The following FOCAD variants were observed in gnomAD, a reference collection of about 807,000 sequenced individuals.
FOCAD encodes KIAA1797.
A neutral mutation model predicts 225.6 loss-of-function variants in FOCAD; 198 were observed. That is an observed-to-expected ratio of 0.88 (90% CI 0.78 to 0.99). The LOEUF (loss-of-function observed/expected upper bound fraction) is 0.99, where lower values mean the gene tolerates loss of function less well. Among genes scored for constraint, FOCAD ranks in the 50% least tolerant of loss-of-function variants. The pLI is 0.00. For synonymous variants in FOCAD, 897 were observed against 755.0 expected, an observed-to-expected ratio of 1.19 and a Z score of -3.08; for missense variants, 2,713 against 2,123.6, an observed-to-expected ratio of 1.28 and a Z score of -5.46.
At chr9:20,774,939 C>G (rs1178533648) in intron 8 of FOCAD, among the ~76,000 whole-genome samples, 2 of 152,036 alleles carry the variant, frequency 1.3e-5, no homozygotes, top group East Asian at 3.9e-4. Context: ...AAAAAGTAAG[C>G]CTAGGAAAAT....
chr9:20,752,639 C>T (rs558706426), intron 5 of FOCAD, among the ~76,000 whole-genome samples: 15 of 151,894 alleles, frequency 9.9e-5, no homozygotes, highest in Non-Finnish European at 1.8e-4. Context: ...CTCGGCGATG[C>T]GGGCTCTATT....
At chr9:20,681,920 T>C (rs1165848077), upstream of FOCAD, among the ~76,000 whole-genome samples, 2 of 152,148 alleles carry the variant, frequency 1.3e-5, no homozygotes, top group African/African-American at 4.8e-5. Flanking sequence ...AATCTGAATC[T>C]AGGATAGGTG....
Position 20,740,348 on chromosome 9 carries a change from T to C in FOCAD, c.392+8T>C. 2 of 1,410,584 alleles carry C rather than the reference T, an allele frequency of 1.4e-6. No homozygotes were observed. Among genetic ancestry groups the C allele is most frequent in the Non-Finnish European group, 1.9e-6 (2 of 1,037,288 alleles). 87.4% of individuals were successfully genotyped at this position (1,410,584 alleles called of 1,614,324 possible). ...GAGTATATATACCATTAGGTAAGCC[T>C]TTTTTCTGTTTTTTTTTTAAACAAA... On this transcript the variant is annotated splice_region_variant and intron_variant, in intron 5 of 43. Coordinates refer to ENST00000338382, the MANE Select transcript of FOCAD (RefSeq NM_001375567.1).
chr9:20,702,074 GT>G (rs1317268942), intron 1 of FOCAD, among the ~76,000 whole-genome samples: 2 of 151,894 alleles, frequency 1.3e-5, no homozygotes, highest in African/African-American at 2.4e-5. Context: ...TTTAGCTTTA[GT>G]TTTTTAACTT....
chr9:20,728,774 G>A (rs1054814260), intron 4 of FOCAD, among the ~76,000 whole-genome samples: 11 of 152,154 alleles, frequency 7.2e-5, no homozygotes, highest in Admixed American at 1.3e-4. Context: ...TGTGGATTAG[G>A]TCTCTTTGGG....
At chr9:20,982,071 G>T (rs1840748815) in intron 38 of FOCAD, among the ~76,000 whole-genome samples, 1 of 152,066 alleles carries the variant, frequency 6.6e-6, no homozygotes, top group African/African-American at 2.4e-5. Context: ...TCCCCCAAAA[G>T]ACCTCTGAAT....
chr9:20,847,719 T>C (rs749735179), intron 15 of FOCAD, among the ~76,000 whole-genome samples: 5 of 152,082 alleles, frequency 3.3e-5, no homozygotes, highest in South Asian at 2.1e-4. Context: ...AGAACAGCTA[T>C]AGTAAACTTC....
At chr9:20,760,463 C>A (rs905170114) in intron 6 of FOCAD, among the ~76,000 whole-genome samples, 1 of 152,234 alleles carries the variant, frequency 6.6e-6, no homozygotes, top group Admixed American at 6.5e-5. Flanking sequence ...GCAGTTTATG[C>A]TTTAGCAGTA....
At chr9:20,790,254 CT>C (rs999737318) in intron 11 of FOCAD, among the ~76,000 whole-genome samples, 3 of 151,826 alleles carry the variant, frequency 2.0e-5, no homozygotes, top group African/African-American at 7.2e-5. Context: ...TAACCTGTGA[CT>C]TTTTTTTTCT....
At chr9:20,874,636 GT>G (rs1433129840) in intron 18 of FOCAD, 44 bp from the exon 19 acceptor site, 7 of 1,584,960 alleles carry the variant, frequency 4.4e-6, no homozygotes, top group Non-Finnish European at 6.0e-6. Context: ...TTTGCATAAT[GT>G]TTTATTATTA....
intron 15 of FOCAD, among the ~76,000 whole-genome samples, chr9:20,853,923 A>C (rs1394662389): frequency 6.6e-6 from 1 of 151,732 alleles, no homozygotes; most frequent in Non-Finnish European, 1.5e-5. Flanking sequence ...GTGTCTCTTC[A>C]AAATCTCTCT....
At chr9:20,753,396 TTTC>T (rs760166950) in intron 5 of FOCAD, among the ~76,000 whole-genome samples, 3 of 151,988 alleles carry the variant, frequency 2.0e-5, no homozygotes, top group Admixed American at 6.6e-5. Context: ...TCAAAGGCCT[TTTC>T]TGCATCTATT....
chr9:20,879,270 T>G (rs1219250493), intron 19 of FOCAD, among the ~76,000 whole-genome samples: 3 of 152,208 alleles, frequency 2.0e-5, no homozygotes, highest in Non-Finnish European at 1.5e-5. Flanking sequence ...TGTGTACAAC[T>G]GAAAATGCAC....
At chr9:20,877,891 G>T (rs920999566) in intron 19 of FOCAD, among the ~76,000 whole-genome samples, 6 of 152,038 alleles carry the variant, frequency 3.9e-5, no homozygotes, top group Admixed American at 1.3e-4. Flanking sequence ...CTGGGCAACA[G>T]AGAGACTCCA....
intron 3 of FOCAD, among the ~76,000 whole-genome samples, chr9:20,719,236 C>T (rs2131536002): frequency 6.6e-6 from 1 of 152,160 alleles, no homozygotes; most frequent in South Asian, 2.1e-4. Flanking sequence ...TGTGTGCCAC[C>T]ACACCCAGCC....
At chr9:20,792,125 A>G (rs138217418) in intron 11 of FOCAD, among the ~76,000 whole-genome samples, 3 of 152,262 alleles carry the variant, frequency 2.0e-5, no homozygotes, top group Non-Finnish European at 4.4e-5. Flanking sequence ...AAAAGATTTT[A>G]TTGTTTTGGA....
intron 39 of FOCAD, among the ~76,000 whole-genome samples, chr9:20,985,437 TTTTATCA>T (rs1022128546): frequency 8.5e-4 from 129 of 152,340 alleles, no homozygotes; most frequent in Admixed American, 3.6e-3. Flanking sequence ...AAAGCTCAAA[TTTTATCA>T]TTTGGGAGCA....
chr9:20,689,692 A>T (rs187136015), intron 1 of FOCAD, among the ~76,000 whole-genome samples: 235 of 152,272 alleles, frequency 1.5e-3, no homozygotes, highest in Non-Finnish European at 2.9e-3. Context: ...TTAGAGGAGA[A>T]GACAGGTTAG....
At chr9:20,829,007 T>C (rs957828385) in intron 15 of FOCAD, among the ~76,000 whole-genome samples, 5 of 152,198 alleles carry the variant, frequency 3.3e-5, no homozygotes, top group African/African-American at 9.6e-5. Flanking sequence ...ATGGTGTATA[T>C]GTACCACATT....
Sources: gnomAD v4.1 joint callset for allele counts (sites outside exome capture counted in the v4.1 genomes callset) on GRCh38, gnomAD v4.1.1 for gene constraint, MANE v1.5 for transcripts, NCBI Gene and HGNC (gene_info 2026-07-23, HGNC 2026-07-21) for gene names.